HSF1: variants seen among roughly 807,000 people sequenced by gnomAD.
HSF1 encodes heat shock factor protein 1.
In HSF1, 32 loss-of-function variants were observed where a neutral mutation model predicts 51.7. The observed-to-expected ratio is 0.62, with a 90% CI of 0.47 to 0.83. HSF1 has a LOEUF of 0.83. Among genes scored for constraint, HSF1 ranks in the 40% least tolerant of loss-of-function variants. The pLI, the probability that HSF1 is intolerant of heterozygous loss-of-function variation, is 0.00. For missense variants in HSF1, 727 were observed against 717.0 expected, an observed-to-expected ratio of 1.01 and a Z score of -0.16; for synonymous variants, 396 against 309.7, an observed-to-expected ratio of 1.28 and a Z score of -2.92.
intron 1 of HSF1, among the ~76,000 whole-genome samples, chr8:144,302,579 A>G (rs538039201): frequency 1.8e-4 from 27 of 151,758 alleles, no homozygotes; most frequent in Non-Finnish European, 2.8e-4. Flanking sequence ...TGTAATCCCA[A>G]CACTTTGGGA....
intron 4 of HSF1, chr8:144,310,147 C>T: frequency 2.1e-6 from 1 of 484,536 alleles, no homozygotes; most frequent in South Asian, 2.9e-5. Flanking sequence ...CCAGCGCCCT[C>T]TGGGCCATTG....
At position 144,314,656 on chromosome 8, in the gene HSF1, A is replaced by C. The variant is rs1817108574; in HGVS notation, c.*326A>C. On this transcript the variant is annotated 3_prime_UTR_variant, in exon 13 of 13. Coordinates refer to ENST00000528838, the MANE Select transcript of HSF1 (RefSeq NM_005526.4). ...TTCCCCGCTCCACAGAGATACACAG[A>C]TATATACACACAGTGGATGGACGGA... 7.2e-5 allele frequency: 27 copies of C among 377,312 alleles called. No individual in the cohort carries two copies. In the South Asian group the frequency reaches 9.5e-4, roughly 13 times the overall value. The allele number at this position is 377,312 out of a possible 1,614,324, so 23.4% of individuals were successfully genotyped here.
Position 144,311,201 on chromosome 8 carries a change from G to C in HSF1, c.516G>C (p.Val172=). Reference sequence around the variant, plus strand: ...AGAATGAGGCTCTGTGGCGGGAGGTGGCCAGCCTTCGGCAGAAGCATGCCC... The same window carrying C: ...AGAATGAGGCTCTGTGGCGGGAGGTCGCCAGCCTTCGGCAGAAGCATGCCC... ...KHENEALWRE[V]ASLRQKHAQQ... The change falls in exon 5 of 13, where the codon GTG becomes GTC. Residue 172 remains valine, a synonymous_variant. Coordinates refer to ENST00000528838, the MANE Select transcript of HSF1 (RefSeq NM_005526.4). 1 of 1,603,000 alleles carries C rather than the reference G, an allele frequency of 6.2e-7. No individual in the cohort carries two copies. Among genetic ancestry groups the C allele is most frequent in the Non-Finnish European group, 8.5e-7 (1 of 1,175,182 alleles).
chr8:144,302,699 G>A (rs782293705), intron 1 of HSF1, among the ~76,000 whole-genome samples: 1 of 151,606 alleles, frequency 6.6e-6, no homozygotes, highest in Admixed American at 6.6e-5. Context: ...GTGTGCTCCT[G>A]TGGGCCCAGC....
chr8:144,301,789 C>T (rs1554842349), intron 1 of HSF1, among the ~76,000 whole-genome samples: 2 of 151,364 alleles, frequency 1.3e-5, no homozygotes, highest in East Asian at 1.9e-4. Flanking sequence ...GGCGTGAACC[C>T]GGGAGGCAGA....
chr8:144,313,009 G>A (rs1816792654), intron 9 of HSF1: 1 of 506,050 alleles, frequency 2.0e-6, no homozygotes, highest in African/African-American at 1.9e-5. Context: ...GGTCTCCAGG[G>A]CACCTCTGGG....
At chr8:144,299,393 C>T (rs755951737) in intron 1 of HSF1, among the ~76,000 whole-genome samples, 1 of 148,776 alleles carries the variant, frequency 6.7e-6, no homozygotes, top group Non-Finnish European at 1.5e-5. Context: ...GCCGAGATCG[C>T]ATCACTGCAC....
Position 144,311,356 on chromosome 8 carries a change from C to G in HSF1, c.600C>G (p.Asn200Lys). Reference sequence around the variant, plus strand: ...TCCTGATCTCACTGGTGCAGTCAAACCGGATCCTGGGGGTGAAGAGAAAGA... The same window carrying G: ...TCCTGATCTCACTGGTGCAGTCAAAGCGGATCCTGGGGGTGAAGAGAAAGA... ...IQFLISLVQS[N>K]RILGVKRKIP... is the part of the protein sequence containing the mutation. The change falls in exon 6 of 13, where the codon AAC becomes AAG. Residue 200 changes from asparagine to lysine, a missense_variant. Asn to Lys is a moderately conservative substitution (Grantham distance 94). Coordinates refer to ENST00000528838, the MANE Select transcript of HSF1 (RefSeq NM_005526.4). The G allele has an allele frequency of 6.2e-7, 1 of 1,614,028 alleles. No individual in the cohort carries two copies. The highest frequency in any genetic ancestry group is 8.5e-7 in the Non-Finnish European group (1 of 1,180,008).
chr8:144,295,847 C>T (rs1274604501), intron 1 of HSF1, among the ~76,000 whole-genome samples: 5 of 152,174 alleles, frequency 3.3e-5, no homozygotes, highest in African/African-American at 4.8e-5. Flanking sequence ...CAGGCTTGAG[C>T]CACCGCGCCT....
At chr8:144,310,045 G>T (rs1816511242) in intron 4 of HSF1, 149 bp downstream of exon 4, 2 of 949,652 alleles carry the variant, frequency 2.1e-6, no homozygotes. Flanking sequence ...CTCTGCCCCA[G>T]CCCCGCCGCC....
chr8:144,298,608 AAAAG>A (rs797026811), intron 1 of HSF1, among the ~76,000 whole-genome samples: 2,652 of 151,696 alleles, frequency 0.017, 80 homozygotes, highest in African/African-American at 0.059. Flanking sequence ...CAAAAAAAAA[AAAAG>A]AAAGAAAAGA....
intron 4 of HSF1, chr8:144,310,851 G>C: frequency 2.4e-6 from 1 of 425,378 alleles, no homozygotes; most frequent in Non-Finnish European, 4.4e-6. Flanking sequence ...CCAAGGGTCT[G>C]CTCCTGGCCT....
At chr8:144,308,711 A>G (rs1816391720) in intron 1 of HSF1, among the ~76,000 whole-genome samples, 195 bp from the exon 2 acceptor site, 1 of 152,200 alleles carries the variant, frequency 6.6e-6, no homozygotes, top group Non-Finnish European at 1.5e-5. Context: ...CACGCTGCAC[A>G]GATGAGGCCC....
At chr8:144,309,218 T>C (rs966288381) in intron 2 of HSF1, 1 of 665,670 alleles carries the variant, frequency 1.5e-6, no homozygotes. Context: ...GGGGTCCCCA[T>C]GGAAGAACCG....
chr8:144,314,079 C>T (rs1442561669), intron 12 of HSF1, 25 bp downstream of exon 12: 2 of 1,574,344 alleles, frequency 1.3e-6, no homozygotes, highest in South Asian at 1.1e-5. Flanking sequence ...ACCGGCCCCA[C>T]CTCTGCCCCC....
At chr8:144,313,278 CA>C in intron 9 of HSF1, 1 of 534,620 alleles carries the variant, frequency 1.9e-6, no homozygotes, top group Non-Finnish European at 3.4e-6. Context: ...CCAAGGCCCC[CA>C]GGCCCTCATG....
At chr8:144,309,354 C>CCAG in intron 2 of HSF1, 101 bp from the exon 3 acceptor site, 1 of 1,533,798 alleles carries the variant, frequency 6.5e-7, no homozygotes, top group South Asian at 1.2e-5. Flanking sequence ...CAGGGTCTGA[C>CCAG]CATGGCCAAG....
At chr8:144,306,512 G>A (rs1010536798) in intron 1 of HSF1, among the ~76,000 whole-genome samples, 4 of 152,030 alleles carry the variant, frequency 2.6e-5, no homozygotes, top group Non-Finnish European at 5.9e-5. Flanking sequence ...ATAGGTGTGC[G>A]CCACCACGCC....
rs782253566 is a variant in HSF1, at chr8:144,308,886, C to T, written c.118-20C>T. ...GCCCCTCACCACCACGCGTGACCCA[C>T]CCATGTGTCTCCCTTTCAGAGCGGG... On this transcript the variant is annotated intron_variant, in intron 1 of 12. Coordinates refer to ENST00000528838, the MANE Select transcript of HSF1 (RefSeq NM_005526.4). 3 of 1,606,026 alleles carry T rather than the reference C, an allele frequency of 1.9e-6. No homozygotes were observed. Among genetic ancestry groups the T allele is most frequent in the Non-Finnish European group, 2.6e-6 (3 of 1,172,640 alleles).
Sources: allele counts gnomAD v4.1 joint callset (sites outside exome capture counted in the v4.1 genomes callset), GRCh38; gene constraint gnomAD v4.1.1; transcripts MANE v1.5; gene names NCBI Gene and HGNC (gene_info 2026-07-23, HGNC 2026-07-21).